The following VPS13B variants were observed in gnomAD, a reference collection of about 807,000 sequenced individuals.
The protein encoded by VPS13B is intermembrane lipid transfer protein VPS13B.
A neutral mutation model predicts 426.4 loss-of-function variants in VPS13B; 285 were observed. That is an observed-to-expected ratio of 0.67 (90% CI 0.61 to 0.74). The LOEUF is 0.74. VPS13B is among the 30% of genes least tolerant of loss of function. VPS13B has a pLI of 0.00. For missense variants in VPS13B, 4,537 were observed against 4,782.6 expected (o/e 0.95, Z 1.51); for synonymous variants, 1,676 against 1,676.4 (o/e 1.00, Z 0.01).
At chr8:99,480,038 A>G in intron 24 of VPS13B, among the ~76,000 whole-genome samples, 1 of 152,154 alleles carries the variant, frequency 6.6e-6, no homozygotes, top group Admixed American at 6.5e-5. Context: ...CTACATCCTT[A>G]CTAATACTTG....
At chr8:99,097,231 G>A (rs1263520491) in intron 4 of VPS13B, among the ~76,000 whole-genome samples, 1 of 152,082 alleles carries the variant, frequency 6.6e-6, no homozygotes. Context: ...ATTCTTAAAT[G>A]GATTATGCTT....
At chr8:99,129,731 A>G (rs1181796308) in intron 8 of VPS13B, among the ~76,000 whole-genome samples, 1 of 152,078 alleles carries the variant, frequency 6.6e-6, no homozygotes, top group Non-Finnish European at 1.5e-5. Flanking sequence ...TTTCCTGTTT[A>G]GTTTTAAATT....
At chr8:99,370,508 G>A (rs1254141905) in intron 19 of VPS13B, among the ~76,000 whole-genome samples, 1 of 151,250 alleles carries the variant, frequency 6.6e-6, no homozygotes, top group Non-Finnish European at 1.5e-5. Flanking sequence ...ATTTAATTTA[G>A]ATTGGTAAAG....
chr8:99,076,151 T>G (rs1845109381), intron 3 of VPS13B, among the ~76,000 whole-genome samples: 1 of 152,210 alleles, frequency 6.6e-6, no homozygotes, highest in African/African-American at 2.4e-5. Context: ...TTGATTTGTC[T>G]CTATTTGTAC....
intron 19 of VPS13B, chr8:99,341,162 T>A (rs1811222513): frequency 4.0e-6 from 1 of 247,354 alleles, no homozygotes; most frequent in African/African-American, 2.3e-5. Context: ...CATGTTGGTG[T>A]GCCGCATAGT....
intron 43 of VPS13B, among the ~76,000 whole-genome samples, chr8:99,793,856 A>G (rs1812680820): frequency 6.6e-6 from 1 of 152,220 alleles, no homozygotes; most frequent in African/African-American, 2.4e-5. Context: ...TAGCTGCATG[A>G]AGAGTGGACA....
intron 19 of VPS13B, among the ~76,000 whole-genome samples, chr8:99,333,417 A>G (rs569138942): frequency 7.9e-5 from 12 of 151,856 alleles, no homozygotes; most frequent in Non-Finnish European, 1.3e-4. Flanking sequence ...TTCCTTAATG[A>G]TAACATCTTA....
intron 39 of VPS13B, among the ~76,000 whole-genome samples, chr8:99,750,511 A>G (rs1470751094): frequency 1.3e-5 from 2 of 152,112 alleles, no homozygotes; most frequent in Non-Finnish European, 2.9e-5. Flanking sequence ...ATGAAATAGA[A>G]GAAGATTATC....
chr8:99,801,683 T>TA (rs1813131026), intron 43 of VPS13B, among the ~76,000 whole-genome samples: 1 of 152,210 alleles, frequency 6.6e-6, no homozygotes, highest in African/African-American at 2.4e-5. Flanking sequence ...ATGTTTTTCT[T>TA]ACTCTAAAAA....
At chr8:99,189,665 A>T (rs1813441861) in intron 16 of VPS13B, among the ~76,000 whole-genome samples, 1 of 151,748 alleles carries the variant, frequency 6.6e-6, no homozygotes, top group Admixed American at 6.6e-5. Flanking sequence ...CTTTTCTAAT[A>T]TTGTTTTATA....
At chr8:99,523,603 G>A (rs1461540525) in intron 30 of VPS13B, among the ~76,000 whole-genome samples, 1 of 152,162 alleles carries the variant, frequency 6.6e-6, no homozygotes, top group Non-Finnish European at 1.5e-5. Flanking sequence ...CAATTCTTCG[G>A]GATCTTATCC....
chr8:99,433,624 G>A lies in VPS13B; in HGVS notation c.3210+1960G>A, dbSNP rs549004334. On this transcript the variant is annotated intron_variant, in intron 22 of 61. Transcript: ENST00000357162. ...AAGATATTCTGATAGAAGTTATTTA[G>A]GCTGAAAGGAAATTATAACAGAATC... Among the ~76,000 whole-genome samples, 3 of 152,088 alleles carry A rather than the reference G, an allele frequency of 2.0e-5. No homozygotes were observed. In the South Asian group the frequency reaches 6.2e-4, roughly 32 times the overall value.
intron 54 of VPS13B, among the ~76,000 whole-genome samples, chr8:99,842,217 A>G (rs993809284): frequency 2.6e-5 from 4 of 152,258 alleles, no homozygotes; most frequent in Non-Finnish European, 5.9e-5. Context: ...AGTCAGCTGC[A>G]CAAATAAAAT....
chr8:99,763,703 T>A (rs940816072), intron 39 of VPS13B, among the ~76,000 whole-genome samples: 1 of 152,050 alleles, frequency 6.6e-6, no homozygotes, highest in East Asian at 1.9e-4. Context: ...AGAGAGAATA[T>A]AGGAGCAATA....
chr8:99,489,843 C>T (rs912182699), intron 25 of VPS13B, among the ~76,000 whole-genome samples: 2 of 152,172 alleles, frequency 1.3e-5, no homozygotes, highest in Non-Finnish European at 2.9e-5. Flanking sequence ...GTCATGTCAT[C>T]TGCAAACAAG....
intron 35 of VPS13B, among the ~76,000 whole-genome samples, chr8:99,675,019 A>G (rs1830872623): frequency 6.6e-6 from 1 of 151,904 alleles, no homozygotes; most frequent in African/African-American, 2.4e-5. Flanking sequence ...TTGATGGTAT[A>G]TTTTTACCAG....
chr8:99,071,954 T>G (rs1173534195), intron 3 of VPS13B, among the ~76,000 whole-genome samples: 1 of 151,920 alleles, frequency 6.6e-6, no homozygotes, highest in Non-Finnish European at 1.5e-5. Flanking sequence ...CAGGCCTGGG[T>G]CTGTCCCTTT....
intron 33 of VPS13B, among the ~76,000 whole-genome samples, chr8:99,583,907 C>T (rs1826189497): frequency 6.6e-6 from 1 of 152,020 alleles, no homozygotes; most frequent in Non-Finnish European, 1.5e-5. Context: ...ATGGAAAAAG[C>T]CAGATCAGAG....
intron 19 of VPS13B, among the ~76,000 whole-genome samples, chr8:99,367,780 A>G (rs1447605997): frequency 1.3e-5 from 2 of 152,146 alleles, no homozygotes; most frequent in Non-Finnish European, 2.9e-5. Context: ...CAGTCTCCCG[A>G]GTAGCTGGGA....
Sources: allele counts gnomAD v4.1 joint callset (sites outside exome capture counted in the v4.1 genomes callset), GRCh38; gene constraint gnomAD v4.1.1; transcripts MANE v1.5; gene names NCBI Gene and HGNC (gene_info 2026-07-23, HGNC 2026-07-21).